Variants in RASAL2 observed in about 807,000 individuals in gnomAD.
RASAL2 encodes the protein RAS protein activator like 2, also known as ras GTPase-activating protein nGAP.
A neutral mutation model predicts 128.9 loss-of-function variants in RASAL2; 58 were observed. The observed-to-expected ratio is 0.45, with a 90% CI of 0.36 to 0.56. The LOEUF (loss-of-function observed/expected upper bound fraction) is 0.56, where lower values mean the gene tolerates loss of function less well. Among genes scored for constraint, RASAL2 ranks in the 20% least tolerant of loss-of-function variants. RASAL2 has a pLI of 0.00. For missense variants in RASAL2, 1,360 were observed against 1,601.6 expected, an observed-to-expected ratio of 0.85 and a Z score of 2.57; for synonymous variants, 561 against 580.8, an observed-to-expected ratio of 0.97 and a Z score of 0.49.
chr1:178,381,027 A>G (rs1189135710), intron 3 of RASAL2, among the ~76,000 whole-genome samples: 1 of 152,238 alleles, frequency 6.6e-6, no homozygotes, highest in African/African-American at 2.4e-5. Context: ...GAGTTGGCAG[A>G]TATGTAGGTG....
At chr1:178,461,240 G>T (rs1271978206) in intron 14 of RASAL2, among the ~76,000 whole-genome samples, 2 of 152,152 alleles carry the variant, frequency 1.3e-5, no homozygotes. Context: ...TGCAAATTGT[G>T]TTGGGGAATT....
At chr1:178,138,798 G>A (rs1166082366) in intron 1 of RASAL2, among the ~76,000 whole-genome samples, 3 of 152,016 alleles carry the variant, frequency 2.0e-5, no homozygotes, top group Non-Finnish European at 4.4e-5. Flanking sequence ...TACATACCTC[G>A]AAGGACTTTT....
At chr1:178,291,164 A>G (rs1221451417) in intron 2 of RASAL2, among the ~76,000 whole-genome samples, 1 of 152,218 alleles carries the variant, frequency 6.6e-6, no homozygotes, top group Admixed American at 6.5e-5. Flanking sequence ...GAGTGTATAT[A>G]ATGATACAAA....
intron 3 of RASAL2, among the ~76,000 whole-genome samples, chr1:178,365,722 C>CT (rs906112999): frequency 4.5e-4 from 68 of 152,282 alleles, no homozygotes; most frequent in African/African-American, 1.5e-3. Flanking sequence ...ATCCACCCAC[C>CT]TCAGCCTCCC....
chr1:178,418,911 TC>T (rs1183817314), intron 4 of RASAL2, among the ~76,000 whole-genome samples: 15 of 152,174 alleles, frequency 9.9e-5, no homozygotes, highest in African/African-American at 3.6e-4. Context: ...CCAGATAGCC[TC>T]CCTTAGCCTA....
chr1:178,437,150 G>A (rs112804497), intron 5 of RASAL2, among the ~76,000 whole-genome samples: 1 of 152,078 alleles, frequency 6.6e-6, no homozygotes, highest in Non-Finnish European at 1.5e-5. Context: ...TACCTGAGGG[G>A]CTGGGTGCAG....
chr1:178,109,864 A>G (rs1357821964), intron 1 of RASAL2, among the ~76,000 whole-genome samples: 1 of 152,124 alleles, frequency 6.6e-6, no homozygotes, highest in East Asian at 1.9e-4. Flanking sequence ...TCTACAAAAA[A>G]TAAATTAGCC....
chr1:178,142,986 A>T (rs540230524), intron 1 of RASAL2, among the ~76,000 whole-genome samples: 1 of 151,806 alleles, frequency 6.6e-6, no homozygotes, highest in African/African-American at 2.4e-5. Flanking sequence ...GAGCTTAGTG[A>T]TAAGGCAGGG....
At chr1:178,333,894 A>G (rs1669461065) in intron 3 of RASAL2, among the ~76,000 whole-genome samples, 2 of 152,228 alleles carry the variant, frequency 1.3e-5, no homozygotes, top group Admixed American at 6.5e-5. Context: ...AAATTTAGAT[A>G]TCATGTTTTA....
intron 1 of RASAL2, among the ~76,000 whole-genome samples, chr1:178,140,933 G>A (rs1660500151): frequency 6.6e-6 from 1 of 152,184 alleles, no homozygotes; most frequent in South Asian, 2.1e-4. Context: ...CATGGCACTG[G>A]CATCAGATTC....
At chr1:178,471,729 C>T (rs1648290873) in intron 17 of RASAL2, among the ~76,000 whole-genome samples, 2 of 152,044 alleles carry the variant, frequency 1.3e-5, no homozygotes, top group Non-Finnish European at 2.9e-5. Context: ...TACTTGATGC[C>T]ATGGTGGTAT....
At chr1:178,432,759 A>G (rs996145654) in intron 5 of RASAL2, among the ~76,000 whole-genome samples, 1 of 151,992 alleles carries the variant, frequency 6.6e-6, no homozygotes, top group African/African-American at 2.4e-5. Context: ...TACCTCCTAA[A>G]TATCTCTCAG....
chr1:178,158,740 A>T (rs373801285), intron 1 of RASAL2, among the ~76,000 whole-genome samples: 1 of 152,182 alleles, frequency 6.6e-6, no homozygotes, highest in Admixed American at 6.5e-5. Context: ...TTCCCTTATA[A>T]TTCAAATCCC....
intron 1 of RASAL2, among the ~76,000 whole-genome samples, chr1:178,127,389 G>A (rs1558068354): frequency 1.3e-5 from 2 of 152,138 alleles, no homozygotes; most frequent in Non-Finnish European, 2.9e-5. Context: ...CAAGGAAATG[G>A]TAATTGCAAT....
chr1:178,276,403 G>A (rs573232926), intron 1 of RASAL2, among the ~76,000 whole-genome samples: 79 of 152,162 alleles, frequency 5.2e-4, no homozygotes, highest in African/African-American at 1.8e-3. Flanking sequence ...GAGTGACTTA[G>A]TTGATGGGAA....
chr1:178,336,594 T>G (rs1669596595), intron 3 of RASAL2, among the ~76,000 whole-genome samples: 1 of 151,958 alleles, frequency 6.6e-6, no homozygotes, highest in African/African-American at 2.4e-5. Flanking sequence ...TGTGTGTGTA[T>G]GTATATGTAT....
chr1:178,337,655 G>C (rs1262159185), intron 3 of RASAL2, among the ~76,000 whole-genome samples: 1 of 152,094 alleles, frequency 6.6e-6, no homozygotes, highest in Non-Finnish European at 1.5e-5. Flanking sequence ...TTTCTGCTTG[G>C]AAGAGGAGAA....
intron 1 of RASAL2, among the ~76,000 whole-genome samples, chr1:178,098,783 A>G (rs1174729866): frequency 6.6e-6 from 1 of 152,238 alleles, no homozygotes; most frequent in East Asian, 1.9e-4. Flanking sequence ...CATTATTACC[A>G]TTAAGCTTGT....
chr1:178,213,958 C>T (rs527770888), intron 1 of RASAL2, among the ~76,000 whole-genome samples: 47 of 151,750 alleles, frequency 3.1e-4, no homozygotes, highest in South Asian at 1.5e-3. Context: ...CAGGAAGAGG[C>T]TGGACGTGGT....
Sources: gnomAD v4.1 joint callset for allele counts (sites outside exome capture counted in the v4.1 genomes callset) on GRCh38, gnomAD v4.1.1 for gene constraint, MANE v1.5 for transcripts, NCBI Gene and HGNC (gene_info 2026-07-23, HGNC 2026-07-21) for gene names.